Variants in SLC7A14 observed in about 807,000 individuals in gnomAD.
The protein encoded by SLC7A14 is solute carrier family 7 member 14, also known as gamma-aminobutyric acid transporter SLC7A14.
In SLC7A14, 37 loss-of-function variants were observed where a neutral mutation model predicts 60.2. The ratio of observed to expected loss-of-function variants is 0.61; its 90% confidence interval spans 0.47 to 0.81. The LOEUF (loss-of-function observed/expected upper bound fraction) is 0.81. Ranked by LOEUF, SLC7A14 falls within the 30% of genes least tolerant of loss-of-function variation. The probability of loss-of-function intolerance (pLI) is 0.00; values close to 1 mark genes in which losing one functional copy is unlikely to be tolerated. For synonymous variants in SLC7A14, 399 were observed against 395.8 expected, an observed-to-expected ratio of 1.01 and a Z score of -0.10; for missense variants, 886 against 982.7, an observed-to-expected ratio of 0.90 and a Z score of 1.32.
chr3:170,477,652 TA>T (rs1289770719), intron 7 of SLC7A14, among the ~76,000 whole-genome samples: 1 of 152,238 alleles, frequency 6.6e-6, no homozygotes, highest in Non-Finnish European at 1.5e-5. Context: ...ACTTTAAATT[TA>T]AAAAAGTCAT....
At chr3:170,570,479 A>G (rs998057749) in intron 1 of SLC7A14, 1 of 151,938 alleles carries the variant, frequency 6.6e-6, no homozygotes, top group Non-Finnish European at 1.5e-5. Flanking sequence ...ATAAAATAAA[A>G]TAAAATAAAA....
At chr3:170,472,368 C>CA (rs5854371) in intron 7 of SLC7A14, among the ~76,000 whole-genome samples, 118,668 of 144,544 alleles carry the variant, frequency 0.82, 48,577 homozygotes, top group Middle Eastern at 0.89. Context: ...GACTCCATCT[C>CA]AAAAAAAAAA....
Position 170,461,309 on chromosome 3 carries a change from C to G in SLC7A14, c.*5746G>C, listed in dbSNP as rs1739598811. On this transcript the variant is annotated 3_prime_UTR_variant, in exon 8 of 8. Transcript: ENST00000231706. The stretch of plus-strand genomic sequence containing the variant: ...AACTTCCACTCACCCCTTGTGGGTT[C>G]TAAGTCCTAAAAAAAAGAACACTCT... 1 of 152,154 alleles carries G rather than the reference C, an allele frequency of 6.6e-6. No individual in the cohort carries two copies. Among genetic ancestry groups the G allele is most frequent in the Non-Finnish European group, 1.5e-5 (1 of 68,028 alleles). The allele number at this position is 152,154 out of a possible 1,614,324, so 9.4% of individuals were successfully genotyped here.
chr3:170,467,354 C>T lies in SLC7A14; in HGVS notation c.2017G>A (p.Gly673Ser). The change falls in exon 8 of 8, where the codon GGC becomes AGC. Residue 673 changes from glycine (G) to serine (S), a missense_variant. Physicochemically the swap from Gly to Ser is moderately conservative, Grantham distance 56. Transcript: ENST00000231706. ...FVGLLIYFGY[G>S]IWNSTLEISA... ...ATTTCCAGGGTGCTGTTCCAGATGC[C>T]ATATCCAAAATAAATGAGCAGACCT... is the stretch of plus-strand genomic sequence containing the variant. The T allele has an allele frequency of 1.2e-6, 2 of 1,603,336 alleles. No homozygotes were observed. Among genetic ancestry groups the T allele is most frequent in the Non-Finnish European group, 1.7e-6 (2 of 1,174,116 alleles).
chr3:170,558,387 A>T (rs1278488009), intron 1 of SLC7A14, among the ~76,000 whole-genome samples: 1 of 152,176 alleles, frequency 6.6e-6, no homozygotes, highest in East Asian at 1.9e-4. Context: ...TCCTTTCAAA[A>T]AATAAAACAA....
chr3:170,481,552 C>T (rs1297809161), intron 6 of SLC7A14, among the ~76,000 whole-genome samples: 1 of 151,990 alleles, frequency 6.6e-6, no homozygotes, highest in Non-Finnish European at 1.5e-5. Context: ...CAGGCATGCA[C>T]CACTACACCC....
Position 170,526,898 on chromosome 3 carries a change from C to T in SLC7A14, c.39G>A (p.Val13=), listed in dbSNP as rs768273487. ...TTGCATACCAGGCAGCTCCCCACTG[C>T]ACCCGCCGGGGGTCCAGCGAGGTGA... The part of the protein sequence containing the change: ...GFFTSLDPRR[V]QWGAAWYAMH... Residue 13 remains valine (V), a synonymous_variant, in exon 2 of 8, where the codon GTG becomes GTA. Transcript: ENST00000231706. 3 of 1,613,542 alleles carry T rather than the reference C, an allele frequency of 1.9e-6. No individual in the cohort carries two copies. The highest frequency in any genetic ancestry group is 2.7e-5 in the African/African-American group (2 of 74,932).
intron 1 of SLC7A14, among the ~76,000 whole-genome samples, chr3:170,558,456 T>G (rs1714547342): frequency 6.6e-6 from 1 of 152,114 alleles, no homozygotes; most frequent in Non-Finnish European, 1.5e-5. Flanking sequence ...GCAGGACAGC[T>G]CTGAACCTTG....
chr3:170,583,564 C>G (rs1020363180), intron 1 of SLC7A14, among the ~76,000 whole-genome samples: 21 of 152,224 alleles, frequency 1.4e-4, no homozygotes, highest in African/African-American at 4.8e-4. Flanking sequence ...AATCATGTGA[C>G]TTAGACTAAT....
At chr3:170,507,492 A>G (rs1712819591) in intron 2 of SLC7A14, among the ~76,000 whole-genome samples, 2 of 152,072 alleles carry the variant, frequency 1.3e-5, no homozygotes, top group Non-Finnish European at 2.9e-5. Context: ...GGAGCCTTTT[A>G]AGCTACTTCT....
chr3:170,477,453 G>A (rs949125443), intron 7 of SLC7A14, among the ~76,000 whole-genome samples: 2 of 152,212 alleles, frequency 1.3e-5, no homozygotes, highest in African/African-American at 4.8e-5. Context: ...GTGACCTCAG[G>A]CAAGTGCCTC....
At chr3:170,541,002 T>C (rs969923964) in intron 1 of SLC7A14, among the ~76,000 whole-genome samples, 2 of 152,202 alleles carry the variant, frequency 1.3e-5, no homozygotes, top group African/African-American at 4.8e-5. Flanking sequence ...TTTTCACTTA[T>C]TGACATGGCA....
intron 1 of SLC7A14, among the ~76,000 whole-genome samples, chr3:170,527,523 C>T (rs1236106281): frequency 6.6e-6 from 1 of 152,180 alleles, no homozygotes; most frequent in Non-Finnish European, 1.5e-5. Context: ...TTTGCCAATA[C>T]TTGGTCTGTG....
At chr3:170,468,402 A>AT (rs929366016) in intron 7 of SLC7A14, among the ~76,000 whole-genome samples, 1 of 151,706 alleles carries the variant, frequency 6.6e-6, no homozygotes, top group Non-Finnish European at 1.5e-5. Flanking sequence ...GGCTCAAGCG[A>AT]TTCTCCTGCC....
At chr3:170,567,165 C>T (rs973329989) in intron 1 of SLC7A14, among the ~76,000 whole-genome samples, 1 of 121,708 alleles carries the variant, frequency 8.2e-6, no homozygotes, top group Non-Finnish European at 1.7e-5. Context: ...CCCCTCCCCC[C>T]ACCCCACAAC....
chr3:170,548,099 G>T (rs923343882), intron 1 of SLC7A14, among the ~76,000 whole-genome samples: 1 of 152,156 alleles, frequency 6.6e-6, no homozygotes, highest in African/African-American at 2.4e-5. Context: ...ATATGAAGAA[G>T]TATTAATTTT....
chr3:170,535,170 C>T lies in SLC7A14; in HGVS notation c.-152-8082G>A, dbSNP rs1046483353. Among the ~76,000 whole-genome samples the T allele has an allele frequency of 9.2e-5, 14 of 151,942 alleles. No individual in the cohort carries two copies. The highest frequency in any genetic ancestry group is 7.2e-4 in the Admixed American group (11 of 15,250). ...GTCTGGCATCACCTTCCACTCTTCTCCCGCAGATCAGGGTCTCCCAGGTTA... is the reference window on the plus strand; with the variant it reads ...GTCTGGCATCACCTTCCACTCTTCTTCCGCAGATCAGGGTCTCCCAGGTTA... On this transcript the variant is annotated intron_variant, in intron 1 of 7. Coordinates refer to ENST00000231706, the MANE Select transcript of SLC7A14 (RefSeq NM_020949.3). This position sits in a 1 kb window ranked among gnomAD's most constrained non-coding sequence, Gnocchi z 4.3.
rs1265504343 is a variant in SLC7A14, at chr3:170,465,790, C to T, written c.*1265G>A. 6.6e-6 allele frequency: 1 copy of T among 152,164 alleles called. No homozygotes were observed. The highest frequency in any genetic ancestry group is 2.4e-5 in the African/African-American group (1 of 41,432). 9.4% of individuals were successfully genotyped at this position (152,164 alleles called of 1,614,324 possible). A position where few individuals can be genotyped will look rare whatever the true frequency, so the allele number is the denominator to read the frequency against. On this transcript the variant is annotated 3_prime_UTR_variant, in exon 8 of 8. Transcript: ENST00000231706. ...CCCAAGAGTAGAATTTATATTGTAGCCCATGTGTGTTTTTTTCCTTTGCAA... is the reference window on the plus strand; with the variant it reads ...CCCAAGAGTAGAATTTATATTGTAGTCCATGTGTGTTTTTTTCCTTTGCAA...
chr3:170,530,627 CT>C (rs1713649100), intron 1 of SLC7A14, among the ~76,000 whole-genome samples: 1 of 152,198 alleles, frequency 6.6e-6, no homozygotes, highest in Admixed American at 6.5e-5. Flanking sequence ...AGATGACTTA[CT>C]TTCTAAAAGC....
Sources: allele counts gnomAD v4.1 joint callset (sites outside exome capture counted in the v4.1 genomes callset), GRCh38; gene constraint gnomAD v4.1.1; non-coding constraint Gnocchi (gnomAD v3.1); transcripts MANE v1.5; gene names NCBI Gene and HGNC (gene_info 2026-07-23, HGNC 2026-07-21).